Variants in DPH6 observed in about 807,000 individuals in gnomAD.
DPH6 encodes diphthamine biosynthesis 6.
A neutral mutation model predicts 38.2 loss-of-function variants in DPH6; 33 were observed. The observed-to-expected ratio is 0.86, with a 90% CI of 0.65 to 1.15. The LOEUF (loss-of-function observed/expected upper bound fraction) is 1.15. Ranked by LOEUF, DPH6 falls within the 50% of genes most tolerant of loss-of-function variation. DPH6 has a pLI of 0.00. For missense variants in DPH6, 325 were observed against 320.0 expected, an observed-to-expected ratio of 1.02 and a Z score of -0.12; for synonymous variants, 108 against 103.0, an observed-to-expected ratio of 1.05 and a Z score of -0.30.
At chr15:35,418,248 ATTAG>A (rs984904527) in intron 5 of DPH6, among the ~76,000 whole-genome samples, 3 of 152,148 alleles carry the variant, frequency 2.0e-5, no homozygotes, top group Non-Finnish European at 2.9e-5. Context: ...AGACAATTAC[ATTAG>A]TTAATGTTGA....
At chr15:35,225,075 C>T (rs1165188730) in intron 3 of DPH6, among the ~76,000 whole-genome samples, 2 of 152,190 alleles carry the variant, frequency 1.3e-5, no homozygotes, top group Non-Finnish European at 2.9e-5. Flanking sequence ...TCCTTAGTTT[C>T]CTCTGGTCTA....
intron 3 of DPH6, among the ~76,000 whole-genome samples, chr15:35,356,068 G>A (rs528158653): frequency 6.8e-4 from 103 of 152,122 alleles, no homozygotes; most frequent in African/African-American, 2.4e-3. Flanking sequence ...TCTTCCAGTT[G>A]ATCGAATCGG....
At chr15:35,466,809 A>G (rs2054131830) in intron 3 of DPH6, among the ~76,000 whole-genome samples, 1 of 152,212 alleles carries the variant, frequency 6.6e-6, no homozygotes, top group African/African-American at 2.4e-5. Flanking sequence ...GAATTGTAAC[A>G]ATGGTAAATA....
Position 35,299,273 on chromosome 15 carries a change from G to T in DPH6, n.200+74248C>A, listed in dbSNP as rs536485924. ...GCCCGGTCATCTGAGGAGCCACCTCGTTGTAGGTCAATGACTGGGGCAAGA... is the reference window on the plus strand; with the variant it reads ...GCCCGGTCATCTGAGGAGCCACCTCTTTGTAGGTCAATGACTGGGGCAAGA... On this transcript the variant is annotated intron_variant and non_coding_transcript_variant, in intron 3 of 3. Coordinates refer to the DPH6 transcript ENST00000560386. The T allele has an allele frequency of 6.6e-6, 7 of 1,062,772 alleles. No homozygotes were observed. The South Asian group carries it at 8.8e-5, about 13-fold the overall frequency. The allele number at this position is 1,062,772 out of a possible 1,614,324, so 65.8% of individuals were successfully genotyped here. A position where few individuals can be genotyped will look rare whatever the true frequency, so the allele number is the denominator to read the frequency against.
intron 5 of DPH6, among the ~76,000 whole-genome samples, chr15:35,429,237 C>A (rs538915677): frequency 2.0e-5 from 3 of 152,280 alleles, no homozygotes; most frequent in Admixed American, 6.5e-5. Context: ...AGCATACTGT[C>A]ATAAAACCTC....
intron 5 of DPH6, among the ~76,000 whole-genome samples, chr15:35,447,109 TC>T (rs1257932684): frequency 6.6e-6 from 1 of 152,098 alleles, no homozygotes; most frequent in Non-Finnish European, 1.5e-5. Flanking sequence ...GACCTCGTGA[TC>T]CGCCCGCCTC....
chr15:35,322,304 G>T (rs2052247471), intron 3 of DPH6, among the ~76,000 whole-genome samples: 1 of 152,122 alleles, frequency 6.6e-6, no homozygotes, highest in Admixed American at 6.5e-5. Context: ...TACAAAGGAG[G>T]TTTTTGGACT....
rs368821138 is a variant in DPH6, at chr15:35,314,354, CTT to C, written n.200+59165_200+59166del. ...TATTTCTCATTTTTTTTGCTAATGA[CTT>C]ATTACTTGATATATATTTTATGTTT... On this transcript the variant is annotated intron_variant and non_coding_transcript_variant, in intron 3 of 3. Transcript: ENST00000560386. Among the ~76,000 whole-genome samples, 8 of 151,954 alleles carry C rather than the reference CTT, an allele frequency of 5.3e-5. No homozygotes were observed. In the South Asian group the frequency reaches 1.2e-3, roughly 24 times the overall value.
chr15:35,237,202 T>C lies in DPH6; in HGVS notation n.201-16620A>G. On this transcript the variant is annotated intron_variant and non_coding_transcript_variant, in intron 3 of 3. Coordinates refer to the DPH6 transcript ENST00000560386. ...AAGAATGACCATTGAGGTTAGCGTG[T>C]GCCGGGGGTGCTGGGGGCTCGAGAA... 2.6e-6 allele frequency: 2 copies of C among 768,734 alleles called. 1 individual carries two copies. The highest frequency in any genetic ancestry group is 3.0e-5 in the South Asian group (2 of 66,006). The allele number at this position is 768,734 out of a possible 1,614,324, so 47.6% of individuals were successfully genotyped here.
chr15:35,411,042 C>T, intron 5 of DPH6, 146 bp from the exon 6 acceptor site: 1 of 634,170 alleles, frequency 1.6e-6, no homozygotes, highest in Non-Finnish European at 2.5e-6. Flanking sequence ...ATGTACTTTG[C>T]TAGTATTTAC....
chr15:35,399,010 G>A (rs1381104342), intron 6 of DPH6, among the ~76,000 whole-genome samples: 1 of 152,098 alleles, frequency 6.6e-6, no homozygotes, highest in East Asian at 1.9e-4. Flanking sequence ...GGGTCAAAAA[G>A]CCCCATCCAC....
chr15:35,385,490 C>T (rs774723009), intron 6 of DPH6, among the ~76,000 whole-genome samples: 2 of 151,942 alleles, frequency 1.3e-5, no homozygotes, highest in Admixed American at 6.6e-5. Context: ...AGCTGGAAAC[C>T]ATTCTCAGAA....
rs531974594 is a variant in DPH6 at position 35,262,897 on chromosome 15, A to C, written n.201-42315T>G. Among the ~76,000 whole-genome samples the C allele has an allele frequency of 2.0e-5, 3 of 152,256 alleles. No individual in the cohort carries two copies. The East Asian group carries it at 5.8e-4, about 29-fold the overall frequency. On this transcript the variant is annotated intron_variant and non_coding_transcript_variant, in intron 3 of 3. Coordinates refer to the DPH6 transcript ENST00000560386. The stretch of plus-strand genomic sequence containing the variant: ...CATGCTTACATGTCTTAAAGTAGAA[A>C]ACTAAAGTGAGAGAATCATGCAGAA...
intron 3 of DPH6, among the ~76,000 whole-genome samples, chr15:35,342,167 G>A (rs991754188): frequency 1.3e-5 from 2 of 152,198 alleles, no homozygotes; most frequent in Non-Finnish European, 2.9e-5. Context: ...CTAGGGATAT[G>A]TATGGATGGA....
At position 35,529,973 on chromosome 15, in the gene DPH6, C is replaced by T. The variant is rs763236721; in HGVS notation, c.312+8301G>A. Among the ~76,000 whole-genome samples the T allele has an allele frequency of 4.0e-5, 6 of 151,698 alleles. No individual in the cohort carries two copies. In the East Asian group the frequency reaches 5.8e-4, roughly 15 times the overall value. ...TTTTGACGATTTAATGATTTAGGCACGACAAATATGCTGACTGAAGATGTT... is the reference window on the plus strand; with the variant it reads ...TTTTGACGATTTAATGATTTAGGCATGACAAATATGCTGACTGAAGATGTT... On this transcript the variant is annotated intron_variant, in intron 3 of 8. Transcript: ENST00000256538.
rs934714094 is a variant in DPH6 at position 35,375,822 on chromosome 15, CA to C, written c.663-2215del. 1.2e-3 allele frequency among the ~76,000 whole-genome samples: 171 copies of C among 145,594 alleles called. 1 individual carries two copies. The highest frequency in any genetic ancestry group is 2.9e-3 in the African/African-American group (117 of 39,968). The stretch of plus-strand genomic sequence containing the variant: ...TGGGGTCAGGCTCTACCTCTCACCT[CA>C]AAAAAAAAAATGGTATTCCCTCTTG... On this transcript the variant is annotated intron_variant, in intron 7 of 8. Transcript: ENST00000256538.
chr15:35,375,850 G>A (rs917364100), intron 7 of DPH6, among the ~76,000 whole-genome samples: 1 of 151,974 alleles, frequency 6.6e-6, no homozygotes, highest in African/African-American at 2.4e-5. Flanking sequence ...TCCCTCTTGA[G>A]ACTCAGCCAT....
intron 3 of DPH6, among the ~76,000 whole-genome samples, chr15:35,509,480 CT>C (rs1267152900): frequency 6.6e-6 from 1 of 152,182 alleles, no homozygotes; most frequent in African/African-American, 2.4e-5. Flanking sequence ...CTTGCATTTA[CT>C]TTTACATTAT....
chr15:35,481,627 TTA>T (rs1484846733), intron 3 of DPH6, among the ~76,000 whole-genome samples: 1 of 152,096 alleles, frequency 6.6e-6, no homozygotes, highest in African/African-American at 2.4e-5. Flanking sequence ...AAAGGAAATC[TTA>T]TCACTTAGAG....
Sources: allele counts gnomAD v4.1 joint callset (sites outside exome capture counted in the v4.1 genomes callset), GRCh38; gene constraint gnomAD v4.1.1; transcripts MANE v1.5; gene names NCBI Gene and HGNC (gene_info 2026-07-23, HGNC 2026-07-21).